The following CNTNAP2 variants were observed in gnomAD, a reference collection of about 807,000 sequenced individuals.
CNTNAP2 encodes the protein contactin associated protein 2.
CNTNAP2 carries 98 observed loss-of-function variants against 155.2 expected under a neutral mutation model. The ratio of observed to expected loss-of-function variants is 0.63; its 90% CI spans 0.54 to 0.75. The LOEUF (loss-of-function observed/expected upper bound fraction) is 0.75, where lower values mean the gene tolerates loss of function less well. CNTNAP2 is among the 30% of genes least tolerant of loss of function. The probability of loss-of-function intolerance (pLI) is 0.00; values close to 1 mark genes in which losing one functional copy is unlikely to be tolerated. For synonymous variants in CNTNAP2, 651 were observed against 631.2 expected (o/e 1.03, Z -0.47); for missense variants, 1,727 against 1,688.1 (o/e 1.02, Z -0.40).
intron 8 of CNTNAP2, among the ~76,000 whole-genome samples, chr7:147,196,800 T>C (rs1802809763): frequency 6.6e-6 from 1 of 152,146 alleles, no homozygotes; most frequent in Admixed American, 6.5e-5. Context: ...GCGAAAAATA[T>C]ACAGCTAAGA....
intron 18 of CNTNAP2, among the ~76,000 whole-genome samples, chr7:148,209,808 G>A (rs1795511750): frequency 6.6e-6 from 1 of 152,170 alleles, no homozygotes. Flanking sequence ...AAAATCCTCA[G>A]AATACCACGA....
chr7:147,319,848 T>A (rs555204419), intron 9 of CNTNAP2, among the ~76,000 whole-genome samples: 23 of 152,296 alleles, frequency 1.5e-4, no homozygotes, highest in Non-Finnish European at 2.8e-4. Context: ...TGGTATGGCA[T>A]TTTGTGGTTT....
chr7:148,306,267 G>A (rs1343119261), intron 21 of CNTNAP2, among the ~76,000 whole-genome samples: 1 of 152,084 alleles, frequency 6.6e-6, no homozygotes, highest in African/African-American at 2.4e-5. Context: ...TTTGTTTTCT[G>A]AAATCTCATG....
intron 1 of CNTNAP2, among the ~76,000 whole-genome samples, chr7:146,201,832 C>T (rs912206626): frequency 3.9e-5 from 6 of 152,036 alleles, no homozygotes; most frequent in African/African-American, 1.5e-4. Context: ...ATCACTTTGT[C>T]AACTTCATAA....
intron 3 of CNTNAP2, among the ~76,000 whole-genome samples, chr7:146,845,375 T>C (rs1803820954): frequency 6.6e-6 from 1 of 152,224 alleles, no homozygotes; most frequent in South Asian, 2.1e-4. Context: ...GTTTGTTTTA[T>C]AAACTTGGAG....
At chr7:147,107,198 T>C (rs1800782938) in intron 4 of CNTNAP2, among the ~76,000 whole-genome samples, 1 of 152,178 alleles carries the variant, frequency 6.6e-6, no homozygotes, top group Admixed American at 6.6e-5. Flanking sequence ...ATTTGAATGG[T>C]TACATTGCAT....
chr7:148,302,335 A>G (rs1797405316), intron 21 of CNTNAP2, among the ~76,000 whole-genome samples: 1 of 152,160 alleles, frequency 6.6e-6, no homozygotes, highest in Non-Finnish European at 1.5e-5. Context: ...GAACTTGGTT[A>G]GGGGAGAGGA....
At chr7:147,409,318 T>C (rs2116484566) in intron 10 of CNTNAP2, among the ~76,000 whole-genome samples, 1 of 152,314 alleles carries the variant, frequency 6.6e-6, no homozygotes, top group South Asian at 2.1e-4. Flanking sequence ...CCCTATTCAA[T>C]AAATGGTGCT....
At chr7:147,381,013 A>T (rs898985662) in intron 9 of CNTNAP2, among the ~76,000 whole-genome samples, 7 of 152,116 alleles carry the variant, frequency 4.6e-5, no homozygotes, top group Non-Finnish European at 1.0e-4. Flanking sequence ...GTGAAAAACG[A>T]ATCTCTCAAA....
chr7:147,935,190 G>A (rs1356948323), intron 14 of CNTNAP2, among the ~76,000 whole-genome samples: 1 of 151,566 alleles, frequency 6.6e-6, no homozygotes, highest in Admixed American at 6.6e-5. Flanking sequence ...GCAGTGGTGC[G>A]ATCTCGGCTC....
intron 1 of CNTNAP2, among the ~76,000 whole-genome samples, chr7:146,121,631 C>T (rs1315875145): frequency 2.0e-5 from 3 of 151,888 alleles, no homozygotes; most frequent in East Asian, 1.9e-4. Context: ...TATAAAACAG[C>T]GTATATAGTA....
At chr7:146,186,626 T>C (rs1798628283) in intron 1 of CNTNAP2, among the ~76,000 whole-genome samples, 1 of 152,206 alleles carries the variant, frequency 6.6e-6, no homozygotes, top group East Asian at 1.9e-4. Context: ...TTCTGTTGCC[T>C]TTATATATGA....
At chr7:147,078,783 T>C (rs1800050165) in intron 4 of CNTNAP2, among the ~76,000 whole-genome samples, 2 of 151,916 alleles carry the variant, frequency 1.3e-5, no homozygotes, top group Non-Finnish European at 2.9e-5. Flanking sequence ...AGAGTCTCAC[T>C]GTGTCCCCCA....
chr7:146,637,877 A>AT (rs1563166709), intron 1 of CNTNAP2, among the ~76,000 whole-genome samples: 1 of 152,206 alleles, frequency 6.6e-6, no homozygotes, highest in Non-Finnish European at 1.5e-5. Context: ...CTTATTCTTG[A>AT]TTTTTTAAAG....
chr7:146,989,506 A>G (rs1295809451), intron 3 of CNTNAP2, among the ~76,000 whole-genome samples: 2 of 150,384 alleles, frequency 1.3e-5, no homozygotes, highest in Non-Finnish European at 1.5e-5. Context: ...ACATAACAGT[A>G]TCCACTGGAG....
intron 5 of CNTNAP2, among the ~76,000 whole-genome samples, chr7:147,118,379 T>C (rs1267375870): frequency 2.6e-5 from 4 of 151,512 alleles, no homozygotes; most frequent in African/African-American, 9.6e-5. Flanking sequence ...TGTCAAAAAT[T>C]GGGAAAAAAT....
intron 8 of CNTNAP2, among the ~76,000 whole-genome samples, chr7:147,233,127 T>A (rs1803721560): frequency 6.6e-6 from 1 of 152,194 alleles, no homozygotes; most frequent in Non-Finnish European, 1.5e-5. Context: ...TAGCATGGTG[T>A]CTTTATAAAC....
Position 147,941,909 on chromosome 7 carries a change from C to T in CNTNAP2, c.2256-35953C>T, listed in dbSNP as rs556260684. On this transcript the variant is annotated intron_variant, in intron 14 of 23. Transcript: ENST00000361727. ...TATTTACAGTCAGAGCCAGCTATACCGACATATTTAAAGTGTGTACGTTCT... is the reference window on the plus strand; with the variant it reads ...TATTTACAGTCAGAGCCAGCTATACTGACATATTTAAAGTGTGTACGTTCT... Among the ~76,000 whole-genome samples, 6 of 152,256 alleles carry T rather than the reference C, an allele frequency of 3.9e-5. No individual in the cohort carries two copies. The South Asian group carries it at 6.2e-4, about 16-fold the overall frequency.
chr7:148,298,315 A>G (rs1048437534), intron 21 of CNTNAP2, among the ~76,000 whole-genome samples: 2 of 152,184 alleles, frequency 1.3e-5, no homozygotes, highest in Non-Finnish European at 2.9e-5. Context: ...TGAAATTGCA[A>G]TGTCACCACA....
Sources: allele counts gnomAD v4.1 joint callset (sites outside exome capture counted in the v4.1 genomes callset), GRCh38; gene constraint gnomAD v4.1.1; transcripts MANE v1.5; gene names NCBI Gene and HGNC (gene_info 2026-07-23, HGNC 2026-07-21).